Variants in PTPRJ observed in about 807,000 individuals in gnomAD.
PTPRJ encodes protein tyrosine phosphatase receptor type J.
In PTPRJ, 129 loss-of-function variants were observed where a neutral mutation model predicts 141.3. That is an observed-to-expected ratio of 0.91 (90% CI 0.79 to 1.06). PTPRJ has a LOEUF of 1.06. Ranked by LOEUF, PTPRJ falls within the 50% of genes least tolerant of loss-of-function variation. The pLI, the probability that PTPRJ is intolerant of heterozygous loss-of-function variation, is 0.00. For missense variants in PTPRJ, 1,601 were observed against 1,679.7 expected (o/e 0.95, Z 0.82); for synonymous variants, 610 against 640.5 (o/e 0.95, Z 0.72).
At chr11:48,119,494 G>T (rs771436938) in intron 3 of PTPRJ, among the ~76,000 whole-genome samples, 1 of 152,170 alleles carries the variant, frequency 6.6e-6, no homozygotes, top group Admixed American at 6.5e-5. Flanking sequence ...TGCCTCCTGG[G>T]TTCAAGTGAT....
chr11:48,149,796 A>T (rs780508462), intron 16 of PTPRJ, 194 bp from the exon 17 acceptor site: 19 of 573,910 alleles, frequency 3.3e-5, no homozygotes, highest in Non-Finnish European at 5.9e-5. Context: ...AAAACCAATT[A>T]GTTACAAAGT....
intron 1 of PTPRJ, among the ~76,000 whole-genome samples, chr11:48,055,952 A>G (rs915826813): frequency 6.6e-5 from 10 of 152,162 alleles, no homozygotes; most frequent in African/African-American, 2.4e-4. Context: ...GCATAGGTCA[A>G]TATACAAGGT....
At chr11:48,091,437 T>C (rs1855864122) in intron 1 of PTPRJ, among the ~76,000 whole-genome samples, 3 of 152,186 alleles carry the variant, frequency 2.0e-5, no homozygotes, top group African/African-American at 7.2e-5. Context: ...TGTGTGTGTA[T>C]ATTTAAAAGG....
intron 1 of PTPRJ, among the ~76,000 whole-genome samples, chr11:48,042,476 C>T (rs1045527510): frequency 6.6e-6 from 1 of 152,172 alleles, no homozygotes; most frequent in Non-Finnish European, 1.5e-5. Flanking sequence ...TGTATTTTCT[C>T]TCTCTTTCCC....
At chr11:48,067,940 A>G (rs997690950) in intron 1 of PTPRJ, among the ~76,000 whole-genome samples, 1 of 152,240 alleles carries the variant, frequency 6.6e-6, no homozygotes, top group African/African-American at 2.4e-5. Context: ...ATGTCTCAAT[A>G]GGCCCCGAAA....
intron 1 of PTPRJ, among the ~76,000 whole-genome samples, chr11:48,040,869 T>A (rs545749102): frequency 6.6e-6 from 1 of 152,260 alleles, no homozygotes; most frequent in African/African-American, 2.4e-5. Context: ...CCCAAAATGT[T>A]GAGATTACAG....
chr11:48,140,700 A>G (rs372362932), intron 11 of PTPRJ, among the ~76,000 whole-genome samples: 1 of 152,240 alleles, frequency 6.6e-6, no homozygotes, highest in East Asian at 1.9e-4. Context: ...AGCCTCAGGT[A>G]TAATTTAAAG....
chr11:48,142,182 A>G (rs1021559528), intron 11 of PTPRJ, among the ~76,000 whole-genome samples: 1 of 152,186 alleles, frequency 6.6e-6, no homozygotes, highest in Non-Finnish European at 1.5e-5. Flanking sequence ...TTCTGGGCTC[A>G]GTATTCTGTT....
At chr11:48,160,100 T>C (rs1360128880) in intron 22 of PTPRJ, 51 bp downstream of exon 22, 6 of 1,595,850 alleles carry the variant, frequency 3.8e-6, no homozygotes, top group African/African-American at 2.7e-5. Flanking sequence ...CATATGTTAA[T>C]TTGGGGGTGA....
chr11:48,002,308 T>C (rs1854520038), intron 1 of PTPRJ, among the ~76,000 whole-genome samples: 1 of 151,900 alleles, frequency 6.6e-6, no homozygotes, highest in Non-Finnish European at 1.5e-5. Flanking sequence ...TGGCTAGTTT[T>C]TGTGTTTTTA....
chr11:48,159,101 T>G (rs377455753), intron 21 of PTPRJ, among the ~76,000 whole-genome samples: 11 of 136,712 alleles, frequency 8.0e-5, no homozygotes, highest in East Asian at 2.2e-4. Context: ...ATGTGGGGTG[T>G]GTGTGTGTGT....
chr11:48,049,931 G>A (rs1854519094), intron 1 of PTPRJ, among the ~76,000 whole-genome samples: 1 of 152,044 alleles, frequency 6.6e-6, no homozygotes, highest in South Asian at 2.1e-4. Context: ...AAGCTTGGGG[G>A]AAAAATCATA....
At position 48,137,276 on chromosome 11, in the gene PTPRJ, G is replaced by T; in HGVS notation, c.2147G>T (p.Cys716Phe). The change falls in exon 10 of 25, where the codon TGT becomes TTT. Residue 716 changes from cysteine (C) to phenylalanine (F), a missense_variant. Coordinates refer to ENST00000418331, the MANE Select transcript of PTPRJ (RefSeq NM_002843.4). The stretch of plus-strand genomic sequence containing the variant: ...CTGGAACCTGGCCGGAAGTCATTCT[G>T]TACAGGTGAGTGTAGCCCCAACTGC... Reference protein sequence around the residue: ...KSLEPGRKSFCTDPASMASFD... With the variant: ...KSLEPGRKSFFTDPASMASFD... 6.2e-7 allele frequency: 1 copy of T among 1,613,606 alleles called. No individual in the cohort carries two copies.
At chr11:48,027,231 T>A (rs1169254581) in intron 1 of PTPRJ, among the ~76,000 whole-genome samples, 2 of 151,352 alleles carry the variant, frequency 1.3e-5, no homozygotes, top group Non-Finnish European at 2.9e-5. Context: ...ATGGTCTTGA[T>A]CTCCTGACCT....
intron 1 of PTPRJ, among the ~76,000 whole-genome samples, chr11:48,026,661 G>A (rs1853820056): frequency 6.6e-6 from 1 of 152,048 alleles, no homozygotes; most frequent in African/African-American, 2.4e-5. Context: ...TGTTAGCCAG[G>A]ATGGTCTCCA....
intron 1 of PTPRJ, among the ~76,000 whole-genome samples, chr11:48,069,640 A>T (rs1161856629): frequency 6.6e-6 from 1 of 151,264 alleles, no homozygotes; most frequent in African/African-American, 2.4e-5. Context: ...TTTAGTAGAG[A>T]CGGGGTTTCA....
chr11:48,013,082 C>A (rs1369756017), intron 1 of PTPRJ, among the ~76,000 whole-genome samples: 2 of 128,370 alleles, frequency 1.6e-5, no homozygotes, highest in Admixed American at 9.1e-5. Context: ...CCAGCCTGGG[C>A]AACAGAGTGA....
At chr11:48,056,868 C>T (rs148727896) in intron 1 of PTPRJ, among the ~76,000 whole-genome samples, 75 of 152,266 alleles carry the variant, frequency 4.9e-4, no homozygotes, top group African/African-American at 1.6e-3. Context: ...GCAGGAGAAT[C>T]GCTTGACTCC....
chr11:48,054,368 C>T (rs929769599), intron 1 of PTPRJ, among the ~76,000 whole-genome samples: 2 of 152,202 alleles, frequency 1.3e-5, no homozygotes, highest in African/African-American at 4.8e-5. Flanking sequence ...CCTCTGCTCT[C>T]ACAGAAACTC....
Sources: gnomAD v4.1 joint callset for allele counts (sites outside exome capture counted in the v4.1 genomes callset) on GRCh38, gnomAD v4.1.1 for gene constraint, MANE v1.5 for transcripts, NCBI Gene and HGNC (gene_info 2026-07-23, HGNC 2026-07-21) for gene names.